RSF1: variants seen among roughly 807,000 people sequenced by gnomAD.
RSF1 encodes the protein remodeling and spacing factor 1, also known as HBV pX-associated protein 8.
RSF1 carries 13 observed loss-of-function variants against 145.2 expected under a neutral mutation model. The observed-to-expected ratio is 0.09, with a 90% CI of 0.06 to 0.14. The LOEUF (loss-of-function observed/expected upper bound fraction) is 0.14, where lower values mean the gene tolerates loss of function less well. Among genes scored for constraint, RSF1 ranks in the 10% least tolerant of loss-of-function variants. The pLI is 1.00. For missense variants in RSF1, 1,517 were observed against 1,718.2 expected, an observed-to-expected ratio of 0.88 and a Z score of 2.07; for synonymous variants, 577 against 592.6, an observed-to-expected ratio of 0.97 and a Z score of 0.38.
intron 11 of RSF1, among the ~76,000 whole-genome samples, chr11:77,682,452 G>A (rs1959888584): frequency 6.6e-6 from 1 of 152,306 alleles, no homozygotes; most frequent in Non-Finnish European, 1.5e-5. Context: ...TTATTTGAAT[G>A]AGACAGCATG....
intron 5 of RSF1, among the ~76,000 whole-genome samples, chr11:77,719,110 G>A (rs2135878472): frequency 6.6e-6 from 1 of 152,204 alleles, no homozygotes; most frequent in African/African-American, 2.4e-5. Context: ...AGCCAGGCAT[G>A]GTAGCATGTG....
the RSF1 span, among the ~76,000 whole-genome samples, chr11:77,870,990 C>T: frequency 6.6e-6 from 1 of 152,044 alleles, no homozygotes; most frequent in Admixed American, 6.6e-5. Context: ...GAAGGTGCCC[C>T]TTACATCTAG....
chr11:77,819,039 C>A (rs910595630), intron 1 of RSF1, among the ~76,000 whole-genome samples: 7 of 152,166 alleles, frequency 4.6e-5, no homozygotes, highest in African/African-American at 1.7e-4. Context: ...TCTTCGGTAG[C>A]CATAACATCA....
At chr11:77,819,603 C>G (rs1260375853) in intron 1 of RSF1, among the ~76,000 whole-genome samples, 3 of 152,224 alleles carry the variant, frequency 2.0e-5, no homozygotes, top group African/African-American at 7.2e-5. Flanking sequence ...CAAGCACCTT[C>G]TTCAACTGTT....
Position 77,700,928 on chromosome 11 carries a change from C to T in RSF1, c.2301G>A (p.Glu767=), listed in dbSNP as rs1960403948. The T allele has an allele frequency of 1.2e-6, 2 of 1,612,450 alleles. No individual in the cohort carries two copies. Among genetic ancestry groups the T allele is most frequent in the African/African-American group, 2.7e-5 (2 of 74,694 alleles). The stretch of plus-strand genomic sequence containing the variant: ...TTAAAGTACGACCCACATTTGTTTT[C>T]TCCTCTTCCTTTTCTGTCTTCTCTT... The part of the protein sequence containing the change: ...NKQEKTEKEE[E]KTNVGRTLRR... Residue 767 remains glutamate (E), a synonymous_variant, in exon 6 of 16, where the codon GAG becomes GAA. Coordinates refer to ENST00000308488, the MANE Select transcript of RSF1 (RefSeq NM_016578.4).
chr11:77,839,546 A>G, the RSF1 span, among the ~76,000 whole-genome samples: 1 of 152,206 alleles, frequency 6.6e-6, no homozygotes, highest in South Asian at 2.1e-4. Context: ...ACTGTTTACA[A>G]TAGCGAAGAC....
rs1959265178 is a variant in RSF1, at chr11:77,662,942, C to A, written c.*3975G>T. ...CATAATATTTGTATCTGTTGCAATG[C>A]AGCCATCTTATTTCTTTCAAGTTAA... On this transcript the variant is annotated 3_prime_UTR_variant, in exon 16 of 16. Transcript: ENST00000308488. 6.6e-6 allele frequency: 1 copy of A among 152,134 alleles called. No individual in the cohort carries two copies. Among genetic ancestry groups the A allele is most frequent in the Non-Finnish European group, 1.5e-5 (1 of 68,006 alleles). 9.4% of individuals were successfully genotyped at this position (152,134 alleles called of 1,614,324 possible).
chr11:77,676,279 CTT>C (rs72097709), intron 13 of RSF1, among the ~76,000 whole-genome samples: 26,519 of 145,240 alleles, frequency 0.18, 2,878 homozygotes, highest in African/African-American at 0.31. Flanking sequence ...TGCAGAATGA[CTT>C]TTTTTTTTTT....
At chr11:77,742,251 C>T (rs998214430) in intron 3 of RSF1, among the ~76,000 whole-genome samples, 2 of 152,104 alleles carry the variant, frequency 1.3e-5, no homozygotes, top group African/African-American at 4.8e-5. Context: ...AACTAATTTA[C>T]ATTCTCACAA....
rs1948174557 is a variant in RSF1, at chr11:77,761,803, T to C, written c.279+2795A>G. On this transcript the variant is annotated intron_variant, in intron 2 of 15. Coordinates refer to ENST00000308488, the MANE Select transcript of RSF1 (RefSeq NM_016578.4). ...AAGAGTTAACAGGTCCTAGCAGAACTGCTAGTTTAAATTTCCATTCGGTGA... is the reference window on the plus strand; with the variant it reads ...AAGAGTTAACAGGTCCTAGCAGAACCGCTAGTTTAAATTTCCATTCGGTGA... Among the ~76,000 whole-genome samples, 4 of 150,666 alleles carry C rather than the reference T, an allele frequency of 2.7e-5. No homozygotes were observed. In the South Asian group the frequency reaches 8.3e-4, roughly 31 times the overall value.
At chr11:77,711,492 C>T (rs1192221151) in intron 5 of RSF1, among the ~76,000 whole-genome samples, 11 of 152,000 alleles carry the variant, frequency 7.2e-5, no homozygotes, top group Admixed American at 7.2e-4. Context: ...CATGGTGAAA[C>T]ACCATCTGTA....
At chr11:77,793,432 C>T (rs1292357407) in intron 1 of RSF1, among the ~76,000 whole-genome samples, 2 of 152,046 alleles carry the variant, frequency 1.3e-5, no homozygotes, top group African/African-American at 2.4e-5. Flanking sequence ...TGCAGTAAGC[C>T]GTGATCATGC....
intron 6 of RSF1, 149 bp downstream of exon 6, chr11:77,700,572 G>T: frequency 1.7e-6 from 1 of 574,488 alleles, no homozygotes; most frequent in Non-Finnish European, 3.0e-6. Context: ...TAGAGTATAA[G>T]TAAGAGTATA....
At chr11:77,671,634 ATTTT>A (rs145812199) in intron 15 of RSF1, among the ~76,000 whole-genome samples, 2 of 122,402 alleles carry the variant, frequency 1.6e-5, no homozygotes. Context: ...GGTTATATGG[ATTTT>A]TTTTTTTTTT....
chr11:77,795,260 C>T (rs921929712), intron 1 of RSF1, among the ~76,000 whole-genome samples: 2 of 151,986 alleles, frequency 1.3e-5, no homozygotes, highest in African/African-American at 4.8e-5. Flanking sequence ...ATAAAATGAC[C>T]ATACTGCTCA....
chr11:77,871,185 C>T, the RSF1 span, among the ~76,000 whole-genome samples: 1 of 152,080 alleles, frequency 6.6e-6, no homozygotes, highest in East Asian at 1.9e-4. Context: ...TTATAAATCT[C>T]AAATATATAG....
the RSF1 span, among the ~76,000 whole-genome samples, chr11:77,853,816 C>T: frequency 6.6e-6 from 1 of 151,888 alleles, no homozygotes; most frequent in African/African-American, 2.4e-5. Flanking sequence ...TGGTGCACCC[C>T]TGTAATCCCA....
chr11:77,845,449 G>C, the RSF1 span, among the ~76,000 whole-genome samples: 6 of 151,442 alleles, frequency 4.0e-5, no homozygotes, highest in Admixed American at 2.0e-4. Flanking sequence ...TTTGGTGGGG[G>C]GGATAGACTA....
chr11:77,866,758 C>T, the RSF1 span: 1 of 152,018 alleles, frequency 6.6e-6, no homozygotes, highest in Non-Finnish European at 1.5e-5. Flanking sequence ...AAAAATAAAA[C>T]TGCACATGTA....
Sources: allele counts gnomAD v4.1 joint callset (sites outside exome capture counted in the v4.1 genomes callset), GRCh38; gene constraint gnomAD v4.1.1; transcripts MANE v1.5; gene names NCBI Gene and HGNC (gene_info 2026-07-23, HGNC 2026-07-21).